Variants in CADPS2 observed in about 807,000 individuals in gnomAD.
CADPS2 encodes calcium-dependent secretion activator 2.
In CADPS2, 93 loss-of-function variants were observed where a neutral mutation model predicts 172.5. The ratio of observed to expected loss-of-function variants is 0.54; its 90% CI spans 0.46 to 0.64. The LOEUF (loss-of-function observed/expected upper bound fraction) is 0.64, where lower values mean the gene tolerates loss of function less well. CADPS2 is among the 30% of genes least tolerant of loss of function. CADPS2 has a pLI of 0.00. For missense variants in CADPS2, 1,420 were observed against 1,565.9 expected (o/e 0.91, Z 1.57); for synonymous variants, 546 against 555.2 (o/e 0.98, Z 0.23).
chr7:122,406,627 C>T (rs898805292), intron 20 of CADPS2, among the ~76,000 whole-genome samples: 1 of 151,940 alleles, frequency 6.6e-6, no homozygotes, highest in African/African-American at 2.4e-5. Context: ...GCAATGGGCA[C>T]GAAAACCCTA....
chr7:122,393,438 T>A lies in CADPS2; in HGVS notation c.2888+3A>T. 6.2e-7 allele frequency: 1 copy of A among 1,613,852 alleles called. No homozygotes were observed. Among genetic ancestry groups the A allele is most frequent in the Non-Finnish European group, 8.5e-7 (1 of 1,179,818 alleles). On this transcript the variant is annotated splice_donor_region_variant and intron_variant, in intron 21 of 29. Transcript: ENST00000449022. ...CTCTACGGACACTAGGTAAGATACC[T>A]ACTTGACAGGCTGCCATGTCTCCTG...
At chr7:122,446,982 G>A (rs1425179895) in intron 15 of CADPS2, among the ~76,000 whole-genome samples, 1 of 149,596 alleles carries the variant, frequency 6.7e-6, no homozygotes, top group South Asian at 2.1e-4. Flanking sequence ...TTGGGTGGGA[G>A]GCTAAATATA....
chr7:122,364,829 G>C (rs1157520961), intron 25 of CADPS2, among the ~76,000 whole-genome samples: 1 of 152,056 alleles, frequency 6.6e-6, no homozygotes. Context: ...CTTTCCCTTT[G>C]GGAAATACAA....
chr7:122,522,677 A>G (rs2060901009), intron 8 of CADPS2, among the ~76,000 whole-genome samples: 2 of 152,118 alleles, frequency 1.3e-5, no homozygotes, highest in African/African-American at 2.4e-5. Flanking sequence ...ATGTGACTAT[A>G]TGTTTGAACA....
chr7:122,853,695 G>C lies in CADPS2; in HGVS notation c.339+32304C>G, dbSNP rs562249909. 3.3e-5 allele frequency among the ~76,000 whole-genome samples: 5 copies of C among 152,276 alleles called. No homozygotes were observed. The South Asian group carries it at 1.0e-3, about 32-fold the overall frequency. On this transcript the variant is annotated intron_variant, in intron 1 of 29. Transcript: ENST00000449022. Reference sequence around the variant, plus strand: ...ACATGTATGTAACTGTTTAAATCTTGAAGATATGCATACATTGTTCTGTAT... The same window carrying C: ...ACATGTATGTAACTGTTTAAATCTTCAAGATATGCATACATTGTTCTGTAT...
At chr7:122,568,603 G>A (rs1425564440) in intron 7 of CADPS2, among the ~76,000 whole-genome samples, 2 of 152,058 alleles carry the variant, frequency 1.3e-5, no homozygotes, top group Admixed American at 1.3e-4. Flanking sequence ...AAATTCAGTG[G>A]AGAAAGCATT....
intron 28 of CADPS2, among the ~76,000 whole-genome samples, chr7:122,336,175 G>T (rs2035822732): frequency 6.6e-6 from 1 of 152,144 alleles, no homozygotes; most frequent in Non-Finnish European, 1.5e-5. Context: ...AGTTCTGCTG[G>T]TTCCTTACAC....
At chr7:122,331,530 T>C (rs949825263) in intron 28 of CADPS2, among the ~76,000 whole-genome samples, 1 of 152,138 alleles carries the variant, frequency 6.6e-6, no homozygotes, top group African/African-American at 2.4e-5. Context: ...TCCCAGCTAC[T>C]TGGGAAGCTG....
At chr7:122,694,679 A>G (rs1246752288) in intron 2 of CADPS2, among the ~76,000 whole-genome samples, 1 of 152,214 alleles carries the variant, frequency 6.6e-6, no homozygotes, top group Non-Finnish European at 1.5e-5. Context: ...TATAAAACCA[A>G]GTATGTATTT....
At chr7:122,351,857 C>T (rs2038697812) in intron 27 of CADPS2, among the ~76,000 whole-genome samples, 1 of 152,134 alleles carries the variant, frequency 6.6e-6, no homozygotes, top group Admixed American at 6.6e-5. Flanking sequence ...TAAGTAGTTA[C>T]ATAATTTATA....
In CADPS2 at chr7:122,581,165, T is replaced by A; in HGVS notation, c.1335+14A>T. On this transcript the variant is annotated intron_variant, in intron 7 of 29. Transcript: ENST00000449022. ...ACTGTTCTACCCTGGACACACAGGC[T>A]GACCACAACTCACCCTTCCCAGTTC... The A allele has an allele frequency of 6.2e-7, 1 of 1,601,672 alleles. No homozygotes were observed.
At chr7:122,495,861 G>A (rs1438020230) in intron 9 of CADPS2, among the ~76,000 whole-genome samples, 1 of 151,952 alleles carries the variant, frequency 6.6e-6, no homozygotes, top group Non-Finnish European at 1.5e-5. Flanking sequence ...GGTGGGAAGT[G>A]GTATTTCACT....
intron 7 of CADPS2, among the ~76,000 whole-genome samples, chr7:122,573,098 G>A (rs925565290): frequency 1.3e-5 from 2 of 152,008 alleles, no homozygotes; most frequent in Non-Finnish European, 2.9e-5. Flanking sequence ...GAACCTGTCC[G>A]CACATTTGTG....
At chr7:122,737,327 C>T (rs1188666622) in intron 1 of CADPS2, among the ~76,000 whole-genome samples, 3 of 152,114 alleles carry the variant, frequency 2.0e-5, no homozygotes, top group Non-Finnish European at 4.4e-5. Flanking sequence ...CGGGTTCAAG[C>T]GATTCTCCTG....
chr7:122,339,363 C>A (rs2036419619), intron 28 of CADPS2, among the ~76,000 whole-genome samples: 1 of 151,778 alleles, frequency 6.6e-6, no homozygotes, highest in African/African-American at 2.4e-5. Flanking sequence ...TGTGAAAGTT[C>A]TGTTTAATGG....
At chr7:122,440,507 A>C (rs1478714218) in intron 16 of CADPS2, 1 of 152,176 alleles carries the variant, frequency 6.6e-6, no homozygotes, top group African/African-American at 2.4e-5. Context: ...AATCCACAAC[A>C]ATCAGGGATA....
intron 1 of CADPS2, among the ~76,000 whole-genome samples, chr7:122,781,736 T>C (rs1792788998): frequency 6.6e-6 from 1 of 152,178 alleles, no homozygotes; most frequent in Non-Finnish European, 1.5e-5. Flanking sequence ...ACTATATTGA[T>C]TGTAATGAAT....
chr7:122,830,828 G>A (rs909825810), intron 1 of CADPS2, among the ~76,000 whole-genome samples: 1 of 152,080 alleles, frequency 6.6e-6, no homozygotes, highest in African/African-American at 2.4e-5. Context: ...ATCACTTAAT[G>A]CTTTCCATCT....
At chr7:122,449,791 C>T (rs758152693) in intron 15 of CADPS2, among the ~76,000 whole-genome samples, 23 of 152,138 alleles carry the variant, frequency 1.5e-4, no homozygotes, top group Non-Finnish European at 3.2e-4. Flanking sequence ...TGTAAATTTA[C>T]TGGCCTTTTT....
Sources: gnomAD v4.1 joint callset for allele counts (sites outside exome capture counted in the v4.1 genomes callset) on GRCh38, gnomAD v4.1.1 for gene constraint, MANE v1.5 for transcripts, NCBI Gene and HGNC (gene_info 2026-07-23, HGNC 2026-07-21) for gene names.